Variants in SLC22A9 observed in about 807,000 individuals in gnomAD.
SLC22A9 encodes solute carrier family 22 member 9, also known as organic anion transporter 7.
SLC22A9 carries 64 observed loss-of-function variants against 50.1 expected under a neutral mutation model. The observed-to-expected ratio is 1.28, with a 90% confidence interval of 1.04 to 1.57. The LOEUF (loss-of-function observed/expected upper bound fraction) is 1.57, where lower values mean the gene tolerates loss of function less well. Ranked by LOEUF, SLC22A9 falls within the 40% of genes most tolerant of loss-of-function variation. SLC22A9 has a pLI of 0.00. For synonymous variants in SLC22A9, 261 were observed against 242.5 expected (o/e 1.08, Z -0.71); for missense variants, 757 against 676.1 (o/e 1.12, Z -1.33).
chr11:63,394,579 C>T (rs1415327409), intron 6 of SLC22A9, among the ~76,000 whole-genome samples: 1 of 152,118 alleles, frequency 6.6e-6, no homozygotes, highest in African/African-American at 2.4e-5. Flanking sequence ...TGTAGGGTTT[C>T]TTCTGAGAAA....
intron 5 of SLC22A9, among the ~76,000 whole-genome samples, chr11:63,381,446 C>A (rs2014558550): frequency 6.6e-6 from 1 of 152,106 alleles, no homozygotes. Flanking sequence ...CAAAACCTAA[C>A]CTGGTAAATA....
At chr11:63,408,067 C>T (rs1021798070) in intron 7 of SLC22A9, 45 bp from the exon 8 acceptor site, 4 of 1,504,492 alleles carry the variant, frequency 2.7e-6, no homozygotes, top group Non-Finnish European at 3.7e-6. Context: ...ATGCTGATTC[C>T]TTCAGCTCAG....
At chr11:63,402,206 G>A (rs1204454281) in intron 6 of SLC22A9, among the ~76,000 whole-genome samples, 1 of 151,950 alleles carries the variant, frequency 6.6e-6, no homozygotes, top group African/African-American at 2.4e-5. Flanking sequence ...GTTCAGCGTG[G>A]TATTTCCTCT....
intron 5 of SLC22A9, among the ~76,000 whole-genome samples, chr11:63,381,864 A>G (rs2014567851): frequency 6.6e-6 from 1 of 152,130 alleles, no homozygotes; most frequent in African/African-American, 2.4e-5. Context: ...TGTAATCTTT[A>G]TTCGGTCCCC....
At chr11:63,405,669 G>T (rs892297218) in intron 6 of SLC22A9, among the ~76,000 whole-genome samples, 1 of 152,132 alleles carries the variant, frequency 6.6e-6, no homozygotes, top group African/African-American at 2.4e-5. Context: ...ATTTCTGATT[G>T]TAATGGAGGT....
chr11:63,375,764 T>C lies in SLC22A9; in HGVS notation c.950T>C (p.Leu317Pro), dbSNP rs1328346349. ...AAGAATGCCAGAGACACCCTAACCC[T>C]GGAGGTGAGCTGGATGGGAGCTAGA... ...GMKNARDTLT[L>P]EILKSTMKKE... The change falls in exon 5 of 10, where the codon CTG becomes CCG. Residue 317 changes from leucine to proline, a missense_variant. By Grantham distance (98) the Leu-to-Pro change is moderately conservative (BLOSUM62 -3). Coordinates refer to ENST00000279178, the MANE Select transcript of SLC22A9 (RefSeq NM_080866.3). 4 of 1,611,274 alleles carry C rather than the reference T, an allele frequency of 2.5e-6. No homozygotes were observed. The highest frequency in any genetic ancestry group is 1.3e-5 in the African/African-American group (1 of 74,740).
Position 63,373,698 on chromosome 11 carries a change from C to A in SLC22A9, c.561C>A (p.Gly187=), listed in dbSNP as rs113596097. The A allele has an allele frequency of 6.2e-7, 1 of 1,609,824 alleles. No homozygotes were observed. The highest frequency in any genetic ancestry group is 8.5e-7 in the Non-Finnish European group (1 of 1,178,422). The change falls in exon 3 of 10, where the codon GGC becomes GGA. Residue 187 remains glycine, a synonymous_variant. Transcript: ENST00000279178. ...RWCYLQVAIV[G]TCAALAPTFL... ...GTTACCTCCAGGTTGCCATTGTTGG[C>A]ACCTGTGCAGCCTTGGCTCCCACCT...
At chr11:63,374,704 A>G (rs967182602) in intron 4 of SLC22A9, among the ~76,000 whole-genome samples, 2 of 152,282 alleles carry the variant, frequency 1.3e-5, no homozygotes, top group Non-Finnish European at 2.9e-5. Context: ...GCTATCTTCC[A>G]TGGTAGTCTA....
chr11:63,385,206 C>T (rs955655474), intron 6 of SLC22A9, among the ~76,000 whole-genome samples: 1 of 135,604 alleles, frequency 7.4e-6, no homozygotes, highest in African/African-American at 2.7e-5. Context: ...GTGATTTCAT[C>T]ATGAAATCTT....
chr11:63,375,526 T>G lies in SLC22A9; in HGVS notation c.831-119T>G, dbSNP rs779014076. 5 of 1,411,100 alleles carry G rather than the reference T, an allele frequency of 3.5e-6. No individual in the cohort carries two copies. In the African/African-American group the frequency reaches 7.2e-5, roughly 20 times the overall value. The allele number at this position is 1,411,100 out of a possible 1,614,324, so 87.4% of individuals were successfully genotyped here. ...AAAGAGAATGTGAGTTTACATTTCCTGGTAAAACCAAACAAGTGGTGGATA... is the reference window on the plus strand; with the variant it reads ...AAAGAGAATGTGAGTTTACATTTCCGGGTAAAACCAAACAAGTGGTGGATA... On this transcript the variant is annotated intron_variant, in intron 4 of 9. Coordinates refer to ENST00000279178, the MANE Select transcript of SLC22A9 (RefSeq NM_080866.3).
chr11:63,369,934 A>G lies in SLC22A9; in HGVS notation c.-123A>G, dbSNP rs561550129. On this transcript the variant is annotated 5_prime_UTR_variant, in exon 1 of 10. Transcript: ENST00000279178. The stretch of plus-strand genomic sequence containing the variant: ...CAGAGGGGAAGCACAGTCGTCAAGA[A>G]GAGAGTGGGGTCAGGATCAAAACAC... 2,963 of 988,350 alleles carry G rather than the reference A, an allele frequency of 3.0e-3. 13 individuals carry two copies. The highest frequency in any genetic ancestry group is 3.5e-3 in the Non-Finnish European group (2,428 of 685,944). 61.2% of individuals were successfully genotyped at this position (988,350 alleles called of 1,614,324 possible).
chr11:63,406,838 A>C, intron 7 of SLC22A9, 127 bp downstream of exon 7: 1 of 1,067,826 alleles, frequency 9.4e-7, no homozygotes, highest in Non-Finnish European at 1.3e-6. Context: ...CCTGACACCA[A>C]TCTGGGGATT....
At position 63,373,816 on chromosome 11, in the gene SLC22A9, A is replaced by T. The variant is rs771137140; in HGVS notation, c.661+18A>T. 3 of 1,605,012 alleles carry T rather than the reference A, an allele frequency of 1.9e-6. No homozygotes were observed. The East Asian group carries it at 6.7e-5, about 36-fold the overall frequency. On this transcript the variant is annotated intron_variant, in intron 3 of 9. Coordinates refer to ENST00000279178, the MANE Select transcript of SLC22A9 (RefSeq NM_080866.3). The stretch of plus-strand genomic sequence containing the variant: ...TATGTTAAGTAAGCCAACACTTTGG[A>T]TCCACATTTTCCAAACTGTGACTTT...
chr11:63,384,035 G>A (rs1000722113), intron 6 of SLC22A9, among the ~76,000 whole-genome samples: 5 of 136,414 alleles, frequency 3.7e-5, no homozygotes, highest in African/African-American at 8.2e-5. Flanking sequence ...GTGACAGAGC[G>A]AGACTCCATC....
intron 2 of SLC22A9, among the ~76,000 whole-genome samples, chr11:63,372,730 A>G (rs913756570): frequency 2.0e-5 from 3 of 152,144 alleles, no homozygotes; most frequent in Non-Finnish European, 4.4e-5. Flanking sequence ...GATAAAAGTC[A>G]TGTACTTTTT....
chr11:63,387,435 A>G (rs1014768047), intron 6 of SLC22A9, among the ~76,000 whole-genome samples: 4 of 152,074 alleles, frequency 2.6e-5, no homozygotes, highest in African/African-American at 9.7e-5. Context: ...CACCTTTCTC[A>G]AAAAGAAGTA....
rs772764267 is a variant in SLC22A9 at position 63,375,802 on chromosome 11, G to A, written c.954+34G>A. 9 of 1,604,442 alleles carry A rather than the reference G, an allele frequency of 5.6e-6. No homozygotes were observed. The Admixed American group carries it at 1.4e-4, about 24-fold the overall frequency. On this transcript the variant is annotated intron_variant, in intron 5 of 9. Coordinates refer to ENST00000279178, the MANE Select transcript of SLC22A9 (RefSeq NM_080866.3). Reference sequence around the variant, plus strand: ...GATGGGAGCTAGATATGGGATGTAGGGAAGACATAACTTGTCATCAATACT... The same window carrying A: ...GATGGGAGCTAGATATGGGATGTAGAGAAGACATAACTTGTCATCAATACT...
rs182493508 is a variant in SLC22A9 at position 63,376,161 on chromosome 11, A to T, written c.954+393A>T. Among the ~76,000 whole-genome samples the T allele has an allele frequency of 2.6e-5, 4 of 152,252 alleles. No homozygotes were observed. The East Asian group carries it at 7.7e-4, about 29-fold the overall frequency. On this transcript the variant is annotated intron_variant, in intron 5 of 9. Coordinates refer to ENST00000279178, the MANE Select transcript of SLC22A9 (RefSeq NM_080866.3). Reference sequence around the variant, plus strand: ...AGGGTTAGTGAGCAAATAGAATACAACATAAAGAGTTCACTTATTTGTTCA... The same window carrying T: ...AGGGTTAGTGAGCAAATAGAATACATCATAAAGAGTTCACTTATTTGTTCA...
At position 63,369,837 on chromosome 11, in the gene SLC22A9, G is replaced by C. The variant is rs1307098473; in HGVS notation, c.-220G>C. On this transcript the variant is annotated 5_prime_UTR_variant, in exon 1 of 10. Transcript: ENST00000279178. ...AGTATCTGAGCAAATTATTTCTTAC[G>C]TGACTTTAGAGAAAACGGCTACCTA... 2.1e-6 allele frequency: 1 copy of C among 484,598 alleles called. No homozygotes were observed. The allele number at this position is 484,598 out of a possible 1,614,324, so 30.0% of individuals were successfully genotyped here. A position where few individuals can be genotyped will look rare whatever the true frequency, so the allele number is the denominator to read the frequency against.
Sources: gnomAD v4.1 joint callset for allele counts (sites outside exome capture counted in the v4.1 genomes callset) on GRCh38, gnomAD v4.1.1 for gene constraint, MANE v1.5 for transcripts, NCBI Gene and HGNC (gene_info 2026-07-23, HGNC 2026-07-21) for gene names.